The following TMEM108 variants were observed in gnomAD, a reference collection of about 807,000 sequenced individuals.
TMEM108 encodes the protein transmembrane protein 108.
TMEM108 carries 12 observed loss-of-function variants against 35.1 expected under a neutral mutation model. That is an observed-to-expected ratio of 0.34 (90% CI 0.22 to 0.55). The LOEUF is 0.55. Ranked by LOEUF, TMEM108 falls within the 20% of genes least tolerant of loss-of-function variation. The pLI, the probability that TMEM108 is intolerant of heterozygous loss-of-function variation, is 0.89. For missense variants in TMEM108, 680 were observed against 753.3 expected (o/e 0.90, Z 1.14); for synonymous variants, 287 against 308.6 (o/e 0.93, Z 0.73).
intron 3 of TMEM108, among the ~76,000 whole-genome samples, chr3:133,244,498 T>C (rs1378672508): frequency 6.6e-6 from 1 of 152,222 alleles, no homozygotes; most frequent in African/African-American, 2.4e-5. Flanking sequence ...ACATTTGTCA[T>C]ATGCCCCTGG....
chr3:133,319,726 G>A (rs539107864), intron 3 of TMEM108, among the ~76,000 whole-genome samples: 3 of 152,204 alleles, frequency 2.0e-5, no homozygotes, highest in South Asian at 4.2e-4. Flanking sequence ...ATTCCCTAGC[G>A]CCAACCCAGA....
In TMEM108 at chr3:133,232,644, A is replaced by G. The variant is rs143731053; in HGVS notation, c.40+3293A>G. On this transcript the variant is annotated intron_variant, in intron 3 of 5. Transcript: ENST00000321871. ...ATAATCAATAGTCACTGAGGCTTGT[A>G]TGTGCCCAGCTGGGGCTAAGGGATG... Among the ~76,000 whole-genome samples, 396 of 152,362 alleles carry G rather than the reference A, an allele frequency of 2.6e-3. 1 individual carries two copies. The highest frequency in any genetic ancestry group is 9.0e-3 in the African/African-American group (376 of 41,594).
chr3:133,117,688 AAAGT>A (rs1944304041), intron 2 of TMEM108, among the ~76,000 whole-genome samples: 2 of 152,204 alleles, frequency 1.3e-5, no homozygotes, highest in Non-Finnish European at 2.9e-5. Flanking sequence ...CTCTAAATAC[AAAGT>A]AAGAAGACAG....
chr3:133,338,800 T>C (rs777204878), intron 3 of TMEM108, among the ~76,000 whole-genome samples: 3 of 151,976 alleles, frequency 2.0e-5, no homozygotes, highest in Admixed American at 6.6e-5. Flanking sequence ...AACAAAAAGC[T>C]TAAAATCAGG....
chr3:133,351,930 A>G (rs1402319517), intron 3 of TMEM108, among the ~76,000 whole-genome samples: 1 of 152,176 alleles, frequency 6.6e-6, no homozygotes, highest in African/African-American at 2.4e-5. Flanking sequence ...CCACTTGGGG[A>G]GTTTTTAAAA....
At chr3:133,260,357 G>A (rs1191741428) in intron 3 of TMEM108, among the ~76,000 whole-genome samples, 4 of 152,132 alleles carry the variant, frequency 2.6e-5, no homozygotes, top group Non-Finnish European at 5.9e-5. Flanking sequence ...GGGTTACTAT[G>A]ATGGCATGTG....
intron 3 of TMEM108, among the ~76,000 whole-genome samples, chr3:133,305,515 A>AAAAG (rs1553758957): frequency 1.3e-5 from 2 of 151,024 alleles, no homozygotes; most frequent in African/African-American, 4.9e-5. Flanking sequence ...AAAGTATAAT[A>AAAAG]AAATAAATAA....
At chr3:133,124,997 T>C (rs1045069384) in intron 2 of TMEM108, 1 of 152,120 alleles carries the variant, frequency 6.6e-6, no homozygotes, top group African/African-American at 2.4e-5. Flanking sequence ...GAAAATTATA[T>C]GGGGAGCTCT....
intron 2 of TMEM108, among the ~76,000 whole-genome samples, chr3:133,067,114 A>G (rs1039558769): frequency 6.6e-6 from 1 of 152,200 alleles, no homozygotes; most frequent in Non-Finnish European, 1.5e-5. Context: ...TGTCTTACAT[A>G]GGCATATATG....
chr3:133,384,839 CAAG>C (rs1264219524), intron 4 of TMEM108, among the ~76,000 whole-genome samples: 1 of 152,228 alleles, frequency 6.6e-6, no homozygotes, highest in Non-Finnish European at 1.5e-5. Context: ...ATCCTCCCTG[CAAG>C]AAGATGGGGC....
At chr3:133,191,032 A>G (rs78894463) in intron 2 of TMEM108, among the ~76,000 whole-genome samples, 2,601 of 152,174 alleles carry the variant, frequency 0.017, 96 homozygotes, top group African/African-American at 0.059. Context: ...AAGTTCCCAG[A>G]GTACCAATGT....
intron 1 of TMEM108, among the ~76,000 whole-genome samples, chr3:133,045,090 C>G (rs1943319720): frequency 6.6e-6 from 1 of 151,914 alleles, no homozygotes; most frequent in Non-Finnish European, 1.5e-5. Context: ...GCCTCAGCCT[C>G]CCGAGTAGCT....
At chr3:133,274,715 A>G (rs1270733325) in intron 3 of TMEM108, among the ~76,000 whole-genome samples, 2 of 152,210 alleles carry the variant, frequency 1.3e-5, no homozygotes, top group Non-Finnish European at 2.9e-5. Flanking sequence ...CACTGCAATA[A>G]TAACAACCAT....
At chr3:133,085,408 A>G (rs1943869104) in intron 2 of TMEM108, among the ~76,000 whole-genome samples, 1 of 152,210 alleles carries the variant, frequency 6.6e-6, no homozygotes, top group African/African-American at 2.4e-5. Context: ...AAAAGTTTAT[A>G]TACAAAGCAA....
chr3:133,274,008 G>C (rs1946807032), intron 3 of TMEM108, among the ~76,000 whole-genome samples: 1 of 152,176 alleles, frequency 6.6e-6, no homozygotes, highest in Admixed American at 6.5e-5. Flanking sequence ...GGCTGAGAGA[G>C]GTTAAGTACT....
In TMEM108 at chr3:133,383,878, C is replaced by A. The variant is rs572278502; in HGVS notation, c.1450+2717C>A. Among the ~76,000 whole-genome samples the A allele has an allele frequency of 9.8e-5, 15 of 152,316 alleles. No homozygotes were observed. The South Asian group carries it at 3.1e-3, about 32-fold the overall frequency. ...ATGTCTGTCTTGCGTTTCCACTATA[C>A]ACAAGGAGGCTCTTGCCTTGGCCCT... On this transcript the variant is annotated intron_variant, in intron 4 of 5. Transcript: ENST00000321871.
chr3:133,208,084 T>A (rs1466183313), intron 2 of TMEM108, among the ~76,000 whole-genome samples: 1 of 152,198 alleles, frequency 6.6e-6, no homozygotes, highest in Admixed American at 6.5e-5. Flanking sequence ...CATGGCATAA[T>A]AGGCCCAGAA....
intron 2 of TMEM108, among the ~76,000 whole-genome samples, chr3:133,225,737 T>G (rs1946060929): frequency 6.6e-6 from 1 of 151,144 alleles, no homozygotes; most frequent in Non-Finnish European, 1.5e-5. Context: ...TTAAAAAGAG[T>G]AATAATATAG....
intron 2 of TMEM108, among the ~76,000 whole-genome samples, chr3:133,152,369 C>A (rs1007859708): frequency 2.0e-5 from 3 of 152,154 alleles, no homozygotes; most frequent in African/African-American, 7.2e-5. Context: ...TTCACTTCAT[C>A]TATTTTGTTC....
Sources: gnomAD v4.1 joint callset for allele counts (sites outside exome capture counted in the v4.1 genomes callset) on GRCh38, gnomAD v4.1.1 for gene constraint, MANE v1.5 for transcripts, NCBI Gene and HGNC (gene_info 2026-07-23, HGNC 2026-07-21) for gene names.